CNTNAP4: variants seen among roughly 807,000 people sequenced by gnomAD.
CNTNAP4 encodes the protein contactin associated protein family member 4.
CNTNAP4 carries 98 observed loss-of-function variants against 148.4 expected under a neutral mutation model. That is an observed-to-expected ratio of 0.66 (90% CI 0.56 to 0.78). The LOEUF (loss-of-function observed/expected upper bound fraction) is 0.78. Among genes scored for constraint, CNTNAP4 ranks in the 30% least tolerant of loss-of-function variants. CNTNAP4 has a pLI of 0.00. For missense variants in CNTNAP4, 1,935 were observed against 1,565.6 expected, an observed-to-expected ratio of 1.24 and a Z score of -3.98; for synonymous variants, 730 against 565.1, an observed-to-expected ratio of 1.29 and a Z score of -4.14.
intron 3 of CNTNAP4, among the ~76,000 whole-genome samples, chr16:76,420,235 T>G (rs2079134783): frequency 1.3e-5 from 2 of 151,940 alleles, no homozygotes; most frequent in Non-Finnish European, 2.9e-5. Context: ...ATAATGTATA[T>G]TCTGTAGAAT....
At chr16:76,415,906 T>C (rs925144724) in intron 3 of CNTNAP4, among the ~76,000 whole-genome samples, 8 of 142,862 alleles carry the variant, frequency 5.6e-5, no homozygotes, top group Non-Finnish European at 1.2e-4. Flanking sequence ...TTGAGTAATT[T>C]CCCATTGTAT....
At chr16:76,309,919 A>G (rs753657334) in intron 1 of CNTNAP4, 39 of 701,628 alleles carry the variant, frequency 5.6e-5, no homozygotes, top group Non-Finnish European at 8.3e-5. Context: ...GAGTCCGGTT[A>G]AGTCTCTTTT....
At chr16:76,425,685 G>A (rs1294672738) in intron 3 of CNTNAP4, among the ~76,000 whole-genome samples, 1 of 152,130 alleles carries the variant, frequency 6.6e-6, no homozygotes, top group African/African-American at 2.4e-5. Context: ...GACAAGAGAG[G>A]CAGGGCATGC....
intron 4 of CNTNAP4, among the ~76,000 whole-genome samples, chr16:76,445,417 G>T (rs1033288503): frequency 1.3e-5 from 2 of 152,066 alleles, no homozygotes; most frequent in Admixed American, 1.3e-4. Flanking sequence ...CCAGAATCTG[G>T]CACACTGATT....
intron 4 of CNTNAP4, among the ~76,000 whole-genome samples, chr16:76,435,263 A>G (rs567975577): frequency 6.6e-6 from 1 of 152,120 alleles, no homozygotes; most frequent in Non-Finnish European, 1.5e-5. Flanking sequence ...GAAGTTTTCT[A>G]CTTATATAAA....
intron 8 of CNTNAP4, among the ~76,000 whole-genome samples, chr16:76,453,158 T>C (rs924267023): frequency 6.6e-6 from 1 of 152,204 alleles, no homozygotes; most frequent in Non-Finnish European, 1.5e-5. Flanking sequence ...GTTAGTCTTA[T>C]CTGGTCTGTG....
At chr16:76,542,033 A>T (rs2084482773) in intron 21 of CNTNAP4, among the ~76,000 whole-genome samples, 1 of 152,212 alleles carries the variant, frequency 6.6e-6, no homozygotes, top group Admixed American at 6.5e-5. Context: ...TGACGATTCT[A>T]CTTTATTCCG....
intron 1 of CNTNAP4, among the ~76,000 whole-genome samples, chr16:76,295,384 GGTCATTTTATTACTATAAGT>G (rs1959211347): frequency 6.6e-6 from 1 of 152,068 alleles, no homozygotes; most frequent in African/African-American, 2.4e-5. Flanking sequence ...AATCTTGAGG[GGTCATTTTATTACTATAAGT>G]GTTATGCATG....
intron 3 of CNTNAP4, among the ~76,000 whole-genome samples, chr16:76,361,891 T>C (rs2013484254): frequency 6.6e-6 from 1 of 152,182 alleles, no homozygotes; most frequent in African/African-American, 2.4e-5. Flanking sequence ...GATATCTCAC[T>C]GTGGTTTTGA....
chr16:76,366,156 C>T (rs2014097031), intron 3 of CNTNAP4, among the ~76,000 whole-genome samples: 1 of 151,772 alleles, frequency 6.6e-6, no homozygotes, highest in Admixed American at 6.6e-5. Context: ...TTTTTTTAAA[C>T]TTTTAGGTTC....
chr16:76,317,367 A>G (rs1291196289), intron 2 of CNTNAP4, among the ~76,000 whole-genome samples: 1 of 151,980 alleles, frequency 6.6e-6, no homozygotes, highest in Non-Finnish European at 1.5e-5. Context: ...TTAAAAGGAA[A>G]CTGAAGATAA....
At chr16:76,551,324 G>C (rs1239493218) in intron 21 of CNTNAP4, among the ~76,000 whole-genome samples, 1 of 151,676 alleles carries the variant, frequency 6.6e-6, no homozygotes, top group African/African-American at 2.4e-5. Context: ...CTTGAGCCTG[G>C]GAGGCAAAAG....
At chr16:76,483,447 G>A (rs1300637019) in intron 12 of CNTNAP4, among the ~76,000 whole-genome samples, 3 of 152,116 alleles carry the variant, frequency 2.0e-5, no homozygotes, top group Non-Finnish European at 4.4e-5. Flanking sequence ...TGTTTTATGT[G>A]TGTTTCAGGT....
At position 76,460,753 on chromosome 16, in the gene CNTNAP4, C is replaced by CAAAAAAA. The variant is rs1158805627; in HGVS notation, c.1334-1188_1334-1182dup. On this transcript the variant is annotated intron_variant, in intron 8 of 23. Coordinates refer to ENST00000611870, the MANE Select transcript of CNTNAP4 (RefSeq NM_033401.5). ...GGGCGACAGAGCCAGACTCATGTCT[C>CAAAAAAA]AAAAAAAAAAAAAAAAAAAAATATA... 1.3e-3 allele frequency among the ~76,000 whole-genome samples: 20 copies of CAAAAAAA among 15,510 alleles called. 2 individuals are homozygous for CAAAAAAA. Among genetic ancestry groups the CAAAAAAA allele is most frequent in the African/African-American group, 3.5e-3 (17 of 4,798 alleles). 10.2% of individuals were successfully genotyped at this position (15,510 alleles called of 152,430 possible). A position where few individuals can be genotyped will look rare whatever the true frequency, so the allele number is the denominator to read the frequency against.
At chr16:76,296,759 A>G (rs1476366048) in intron 1 of CNTNAP4, among the ~76,000 whole-genome samples, 3 of 152,214 alleles carry the variant, frequency 2.0e-5, no homozygotes, top group African/African-American at 7.2e-5. Flanking sequence ...GCTGTATCTA[A>G]GGATTCAGCA....
intron 3 of CNTNAP4, among the ~76,000 whole-genome samples, chr16:76,370,331 C>T (rs980425293): frequency 2.0e-5 from 3 of 152,024 alleles, no homozygotes; most frequent in Non-Finnish European, 4.4e-5. Flanking sequence ...TTGTCCTCTG[C>T]GCCAGTGCCC....
chr16:76,497,571 C>G (rs1360444506), intron 14 of CNTNAP4, among the ~76,000 whole-genome samples: 3 of 151,750 alleles, frequency 2.0e-5, no homozygotes, highest in Admixed American at 6.6e-5. Context: ...TGGAAACCAT[C>G]ATTCTCAGCA....
intron 3 of CNTNAP4, among the ~76,000 whole-genome samples, chr16:76,425,530 A>G (rs1333117250): frequency 6.6e-6 from 1 of 152,186 alleles, no homozygotes; most frequent in East Asian, 1.9e-4. Flanking sequence ...ATAATGATCA[A>G]ATAAGAGAAA....
Position 76,553,045 on chromosome 16 carries a change from G to A in CNTNAP4, c.3443-238G>A, listed in dbSNP as rs9927232. On this transcript the variant is annotated intron_variant, in intron 21 of 23. Transcript: ENST00000611870. ...ACCCATTCTTATGCTTTGTTTCTAG[G>A]GAGCTTACCATATCACTTTTAATAA... Among the ~76,000 whole-genome samples, 151,806 of 152,342 alleles carry A rather than the reference G, an allele frequency of 1. 75,637 individuals are homozygous for A. The highest frequency in any genetic ancestry group is 1 in the Middle Eastern group (294 of 294).
Sources: allele counts gnomAD v4.1 joint callset (sites outside exome capture counted in the v4.1 genomes callset), GRCh38; gene constraint gnomAD v4.1.1; transcripts MANE v1.5; gene names NCBI Gene and HGNC (gene_info 2026-07-23, HGNC 2026-07-21).